Variants in IMMP2L observed in about 807,000 individuals in gnomAD.
IMMP2L encodes inner mitochondrial membrane peptidase subunit 2.
IMMP2L carries 18 observed loss-of-function variants against 19.3 expected under a neutral mutation model. That is an observed-to-expected ratio of 0.93 (90% confidence interval 0.64 to 1.38). The LOEUF (loss-of-function observed/expected upper bound fraction) is 1.38. Among genes scored for constraint, IMMP2L ranks in the 40% most tolerant of loss-of-function variants. IMMP2L has a pLI of 0.00. For synonymous variants in IMMP2L, 76 were observed against 73.0 expected (o/e 1.04, Z -0.21); for missense variants, 233 against 218.2 (o/e 1.07, Z -0.43).
chr7:111,354,966 T>C (rs980103897), intron 3 of IMMP2L, among the ~76,000 whole-genome samples: 1 of 151,890 alleles, frequency 6.6e-6, no homozygotes, highest in Non-Finnish European at 1.5e-5. Context: ...CACAGCTATA[T>C]AGGTACTAGA....
At chr7:111,236,787 A>T (rs1814375361) in intron 3 of IMMP2L, among the ~76,000 whole-genome samples, 1 of 151,982 alleles carries the variant, frequency 6.6e-6, no homozygotes, top group Non-Finnish European at 1.5e-5. Context: ...GCCCTGGAAA[A>T]ACCTCTCAAG....
chr7:111,284,847 C>G (rs1219743748), intron 3 of IMMP2L, among the ~76,000 whole-genome samples: 2 of 152,038 alleles, frequency 1.3e-5, no homozygotes, highest in Admixed American at 6.5e-5. Context: ...GTTGCAAATA[C>G]AGGAAAACAC....
chr7:111,231,225 T>C (rs1357437860), intron 3 of IMMP2L, among the ~76,000 whole-genome samples: 1 of 152,026 alleles, frequency 6.6e-6, no homozygotes, highest in African/African-American at 2.4e-5. Flanking sequence ...TAAATTATTA[T>C]GATATTTTAC....
At chr7:110,955,499 A>G (rs1419429740) in intron 4 of IMMP2L, among the ~76,000 whole-genome samples, 1 of 151,726 alleles carries the variant, frequency 6.6e-6, no homozygotes, top group Non-Finnish European at 1.5e-5. Flanking sequence ...TCTATTAAAC[A>G]GCAGCATCGG....
chr7:111,023,321 T>C (rs1456215647), intron 3 of IMMP2L, among the ~76,000 whole-genome samples: 1 of 152,156 alleles, frequency 6.6e-6, no homozygotes, highest in African/African-American at 2.4e-5. Context: ...ACTTAGATAT[T>C]CAATTGTTCA....
intron 1 of IMMP2L, among the ~76,000 whole-genome samples, chr7:111,527,520 T>C (rs1236031751): frequency 2.0e-5 from 3 of 152,082 alleles, no homozygotes; most frequent in African/African-American, 7.2e-5. Flanking sequence ...TTAAGAACTT[T>C]GGCAGATACT....
chr7:111,344,011 A>C (rs1277971378), intron 3 of IMMP2L, among the ~76,000 whole-genome samples: 2 of 152,072 alleles, frequency 1.3e-5, no homozygotes, highest in Non-Finnish European at 2.9e-5. Context: ...TTTGAATCTG[A>C]CCACTTATCT....
At chr7:111,255,005 A>T (rs1161395027) in intron 3 of IMMP2L, among the ~76,000 whole-genome samples, 1 of 152,234 alleles carries the variant, frequency 6.6e-6, no homozygotes, top group African/African-American at 2.4e-5. Flanking sequence ...ATAACCAAAT[A>T]TAACTACTTT....
chr7:110,949,764 G>C (rs1456484503), intron 4 of IMMP2L, among the ~76,000 whole-genome samples: 1 of 152,006 alleles, frequency 6.6e-6, no homozygotes, highest in Non-Finnish European at 1.5e-5. Context: ...AAAACAGTAA[G>C]TGCAATTTCT....
intron 3 of IMMP2L, among the ~76,000 whole-genome samples, chr7:110,978,485 G>A (rs1238600180): frequency 6.6e-6 from 1 of 151,764 alleles, no homozygotes; most frequent in African/African-American, 2.4e-5. Context: ...TCCTTGTGGT[G>A]CCCATTACTA....
intron 3 of IMMP2L, chr7:111,392,979 G>C (rs1832517881): frequency 2.6e-6 from 1 of 379,978 alleles, no homozygotes; most frequent in South Asian, 2.0e-5. Flanking sequence ...AAGCATTTAG[G>C]GGTTTTTGTG....
At chr7:110,971,655 T>C (rs1820155174) in intron 3 of IMMP2L, among the ~76,000 whole-genome samples, 1 of 152,264 alleles carries the variant, frequency 6.6e-6, no homozygotes, top group African/African-American at 2.4e-5. Context: ...TTGAAAAGCA[T>C]TGTTTGCAAT....
chr7:111,054,300 A>AT (rs1276568965), intron 3 of IMMP2L, among the ~76,000 whole-genome samples: 1 of 152,110 alleles, frequency 6.6e-6, no homozygotes, highest in Admixed American at 6.5e-5. Context: ...CTCCTCAGCT[A>AT]TTTTTTAAGC....
At chr7:111,512,089 T>C (rs983538329) in intron 2 of IMMP2L, among the ~76,000 whole-genome samples, 2 of 152,278 alleles carry the variant, frequency 1.3e-5, no homozygotes, top group African/African-American at 2.4e-5. Flanking sequence ...CAAATATCTA[T>C]AGCAGCATTA....
At chr7:110,945,472 G>C (rs971552173) in intron 4 of IMMP2L, among the ~76,000 whole-genome samples, 3 of 151,870 alleles carry the variant, frequency 2.0e-5, no homozygotes, top group African/African-American at 7.2e-5. Flanking sequence ...GACCTCAAAG[G>C]CCAGTGGTTA....
chr7:111,334,521 A>G (rs1440619732), intron 3 of IMMP2L, among the ~76,000 whole-genome samples: 1 of 152,152 alleles, frequency 6.6e-6, no homozygotes, highest in African/African-American at 2.4e-5. Context: ...AGAAAAATTC[A>G]TAGCCTTAAC....
chr7:111,406,333 C>T (rs1176599101), intron 3 of IMMP2L, among the ~76,000 whole-genome samples: 1 of 152,072 alleles, frequency 6.6e-6, no homozygotes, highest in Non-Finnish European at 1.5e-5. Context: ...CACTTCTCAG[C>T]CACTCCAATG....
At chr7:110,916,431 T>C (rs1264189908) in intron 4 of IMMP2L, among the ~76,000 whole-genome samples, 3 of 152,232 alleles carry the variant, frequency 2.0e-5, no homozygotes, top group Non-Finnish European at 2.9e-5. Context: ...TACTACAGAA[T>C]AGATAAGCCA....
At chr7:110,844,586 G>A (rs1380560885) in intron 5 of IMMP2L, among the ~76,000 whole-genome samples, 1 of 151,800 alleles carries the variant, frequency 6.6e-6, no homozygotes, top group Admixed American at 6.6e-5. Flanking sequence ...CAATAGGGGA[G>A]CTTTCAGATG....
Sources: allele counts gnomAD v4.1 joint callset (sites outside exome capture counted in the v4.1 genomes callset), GRCh38; gene constraint gnomAD v4.1.1; transcripts MANE v1.5; gene names NCBI Gene and HGNC (gene_info 2026-07-23, HGNC 2026-07-21).